Variants in TMEM178B observed in about 807,000 individuals in gnomAD.
The protein encoded by TMEM178B is transmembrane protein 178B.
TMEM178B carries 5 observed loss-of-function variants against 31.0 expected under a neutral mutation model. The observed-to-expected ratio is 0.16, with a 90% CI of 0.08 to 0.34. The LOEUF is 0.34. Ranked by LOEUF, TMEM178B falls within the 10% of genes least tolerant of loss-of-function variation. The pLI is 1.00. For synonymous variants in TMEM178B, 164 were observed against 164.0 expected (o/e 1.00, Z 0.00); for missense variants, 275 against 400.3 (o/e 0.69, Z 2.67).
intron 1 of TMEM178B, among the ~76,000 whole-genome samples, chr7:141,138,186 C>A (rs1322854036): frequency 2.0e-5 from 3 of 151,948 alleles, no homozygotes; most frequent in Admixed American, 2.0e-4. Context: ...CTCAGCCTCC[C>A]GAATAGCTGG....
At chr7:141,352,765 C>G (rs1799755909) in intron 2 of TMEM178B, 1 of 153,128 alleles carries the variant, frequency 6.5e-6, no homozygotes, top group Non-Finnish European at 1.5e-5. Flanking sequence ...CTGCTGCTGC[C>G]TGAGGCAGCT....
At chr7:141,193,152 G>T (rs1482156364) in intron 1 of TMEM178B, among the ~76,000 whole-genome samples, 1 of 152,144 alleles carries the variant, frequency 6.6e-6, no homozygotes, top group Non-Finnish European at 1.5e-5. Context: ...TCTGCCTCCA[G>T]CCCTTCTGCT....
chr7:141,348,522 T>C (rs2116524355), intron 2 of TMEM178B, among the ~76,000 whole-genome samples: 1 of 152,294 alleles, frequency 6.6e-6, no homozygotes, highest in Non-Finnish European at 1.5e-5. Context: ...AATTGTAATT[T>C]AGGGGGAGAG....
At chr7:141,298,792 C>T (rs755982094) in intron 2 of TMEM178B, among the ~76,000 whole-genome samples, 1 of 152,198 alleles carries the variant, frequency 6.6e-6, no homozygotes, top group Non-Finnish European at 1.5e-5. Context: ...GACACATTTG[C>T]AGATATGCAA....
chr7:141,417,575 G>A (rs1055546186), intron 2 of TMEM178B, among the ~76,000 whole-genome samples: 1 of 152,168 alleles, frequency 6.6e-6, no homozygotes, highest in Non-Finnish European at 1.5e-5. Context: ...CTTACAGAAC[G>A]GGTGATTCTA....
At chr7:141,397,758 A>G (rs2116614462) in intron 2 of TMEM178B, among the ~76,000 whole-genome samples, 1 of 152,324 alleles carries the variant, frequency 6.6e-6, no homozygotes, top group East Asian at 1.9e-4. Flanking sequence ...TGCCATTAGG[A>G]ATACTTTCAT....
intron 1 of TMEM178B, among the ~76,000 whole-genome samples, chr7:141,126,891 G>A (rs1795506528): frequency 6.7e-6 from 1 of 148,970 alleles, no homozygotes. Flanking sequence ...GTGTGTGTGT[G>A]TATGTGTGTT....
At chr7:141,296,616 G>A (rs1716709995) in intron 2 of TMEM178B, among the ~76,000 whole-genome samples, 3 of 152,246 alleles carry the variant, frequency 2.0e-5, no homozygotes, top group African/African-American at 7.2e-5. Context: ...GGTTCTGGCA[G>A]ACTTCTTTTA....
chr7:141,431,693 C>A (rs1318295258), intron 2 of TMEM178B, among the ~76,000 whole-genome samples: 1 of 152,156 alleles, frequency 6.6e-6, no homozygotes, highest in Non-Finnish European at 1.5e-5. Flanking sequence ...TAGGCCAGTC[C>A]CACATCATAT....
chr7:141,115,940 G>A (rs895303864), intron 1 of TMEM178B, among the ~76,000 whole-genome samples: 4 of 152,112 alleles, frequency 2.6e-5, no homozygotes, highest in Non-Finnish European at 4.4e-5. Flanking sequence ...AGATTTACAC[G>A]TTAAAAATAA....
chr7:141,312,302 G>C (rs932156730), intron 2 of TMEM178B, among the ~76,000 whole-genome samples: 4 of 152,192 alleles, frequency 2.6e-5, no homozygotes. Flanking sequence ...TCTTCTTCCA[G>C]AGTTTTCTGT....
chr7:141,183,900 C>T (rs985136108), intron 1 of TMEM178B, among the ~76,000 whole-genome samples: 1 of 152,198 alleles, frequency 6.6e-6, no homozygotes, highest in Non-Finnish European at 1.5e-5. Context: ...CCTTGGTGTG[C>T]AGGACAGCCA....
At chr7:141,511,227 A>G in the TMEM178B span, among the ~76,000 whole-genome samples, 2 of 135,976 alleles carry the variant, frequency 1.5e-5, no homozygotes, top group East Asian at 4.4e-4. Flanking sequence ...GATGCCCTTT[A>G]TATTAAGTGC....
At chr7:141,335,589 A>C (rs773394702) in intron 2 of TMEM178B, among the ~76,000 whole-genome samples, 43 of 152,286 alleles carry the variant, frequency 2.8e-4, no homozygotes, top group Middle Eastern at 3.4e-3. Context: ...TGAGAAGCTC[A>C]TGAAAACAGT....
the TMEM178B span, among the ~76,000 whole-genome samples, chr7:141,500,168 T>C: frequency 2.6e-5 from 4 of 152,212 alleles, no homozygotes; most frequent in African/African-American, 9.6e-5. Flanking sequence ...CCAAAATTTA[T>C]TGACCATCAA....
chr7:141,475,032 G>A lies in TMEM178B; in HGVS notation c.*4246G>A, dbSNP rs1345959188. On this transcript the variant is annotated 3_prime_UTR_variant, in exon 4 of 4. Transcript: ENST00000565468. ...GTAGTTAAAGTGAAGTTGCTTTTCT[G>A]AAAATGTTCCCTGTCTTCAGGGGAC... is the stretch of plus-strand genomic sequence containing the variant. 2.6e-5 allele frequency: 4 copies of A among 152,256 alleles called. No homozygotes were observed. The allele number at this position is 152,256 out of a possible 1,614,324, so 9.4% of individuals were successfully genotyped here. A position where few individuals can be genotyped will look rare whatever the true frequency, so the allele number is the denominator to read the frequency against.
chr7:141,259,943 G>T (rs1401175657), intron 2 of TMEM178B, among the ~76,000 whole-genome samples: 1 of 152,098 alleles, frequency 6.6e-6, no homozygotes, highest in Non-Finnish European at 1.5e-5. Flanking sequence ...TCACCCAGGG[G>T]TGTGTGGATA....
intron 2 of TMEM178B, among the ~76,000 whole-genome samples, chr7:141,252,573 T>C (rs1004756582): frequency 3.3e-5 from 5 of 152,260 alleles, no homozygotes; most frequent in African/African-American, 7.2e-5. Flanking sequence ...ATCTGAATTT[T>C]GGAGTTAGTA....
intron 1 of TMEM178B, among the ~76,000 whole-genome samples, chr7:141,084,103 C>G (rs1247875211): frequency 6.6e-6 from 1 of 152,198 alleles, no homozygotes; most frequent in Non-Finnish European, 1.5e-5. Flanking sequence ...CCACGCCCAG[C>G]CTATTCAGCA....
Sources: allele counts gnomAD v4.1 joint callset (sites outside exome capture counted in the v4.1 genomes callset), GRCh38; gene constraint gnomAD v4.1.1; transcripts MANE v1.5; gene names NCBI Gene and HGNC (gene_info 2026-07-23, HGNC 2026-07-21).